CDH13: variants seen among roughly 807,000 people sequenced by gnomAD.
CDH13 encodes the protein cadherin 13, also known as cadherin-13.
In CDH13, 24 loss-of-function variants were observed where a neutral mutation model predicts 63.8. That is an observed-to-expected ratio of 0.38 (90% CI 0.27 to 0.53). The LOEUF is 0.53. CDH13 is among the 20% of genes least tolerant of loss of function. CDH13 has a pLI of 0.85. For synonymous variants in CDH13, 503 were observed against 355.3 expected (o/e 1.42, Z -4.67); for missense variants, 1,049 against 903.1 (o/e 1.16, Z -2.07).
chr16:83,140,696 C>A (rs944588769), intron 4 of CDH13, among the ~76,000 whole-genome samples: 1 of 152,150 alleles, frequency 6.6e-6, no homozygotes, highest in African/African-American at 2.4e-5. Flanking sequence ...CTCAGGTGAT[C>A]CACCCGCCTG....
chr16:83,465,174 G>A (rs1001078973), intron 6 of CDH13, among the ~76,000 whole-genome samples: 1 of 152,180 alleles, frequency 6.6e-6, no homozygotes, highest in Non-Finnish European at 1.5e-5. Context: ...GTTTCAGATG[G>A]TGATAAGTTG....
chr16:82,702,929 A>G (rs1351479760), intron 1 of CDH13, among the ~76,000 whole-genome samples: 1 of 152,124 alleles, frequency 6.6e-6, no homozygotes, highest in East Asian at 1.9e-4. Flanking sequence ...TTGGCTATGA[A>G]GTAAGCTCCC....
chr16:82,799,195 G>A (rs561633684), intron 1 of CDH13, among the ~76,000 whole-genome samples: 43 of 152,308 alleles, frequency 2.8e-4, no homozygotes, highest in African/African-American at 8.2e-4. Flanking sequence ...AGGGGGTGAC[G>A]TTAGATAGTG....
chr16:83,348,870 A>G (rs2090893850), intron 6 of CDH13, among the ~76,000 whole-genome samples: 1 of 152,230 alleles, frequency 6.6e-6, no homozygotes, highest in Admixed American at 6.5e-5. Context: ...TATTGTTAAC[A>G]GTGCAATTAT....
chr16:82,672,804 C>CACACAT (rs1555531886), intron 1 of CDH13, among the ~76,000 whole-genome samples: 17 of 132,316 alleles, frequency 1.3e-4, no homozygotes, highest in South Asian at 9.7e-4. Context: ...CACACACATA[C>CACACAT]ACACACACAC....
intron 7 of CDH13, among the ~76,000 whole-genome samples, chr16:83,556,770 G>A (rs147293639): frequency 1.5e-3 from 233 of 152,292 alleles, no homozygotes; most frequent in African/African-American, 5.2e-3. Flanking sequence ...ATCTTTTCAT[G>A]GGGCACCCCA....
intron 1 of CDH13, among the ~76,000 whole-genome samples, chr16:82,804,983 A>T (rs915919413): frequency 3.3e-5 from 5 of 152,196 alleles, no homozygotes; most frequent in Admixed American, 6.6e-5. Flanking sequence ...ATGTTCAAGG[A>T]TGATATTCTC....
At chr16:82,890,489 T>C (rs776610449) in intron 2 of CDH13, among the ~76,000 whole-genome samples, 17 of 152,182 alleles carry the variant, frequency 1.1e-4, no homozygotes, top group South Asian at 2.1e-4. Context: ...CAGAATCTCA[T>C]TGGTGTCAGC....
chr16:82,986,611 T>C (rs976004477), intron 2 of CDH13, among the ~76,000 whole-genome samples: 1 of 152,154 alleles, frequency 6.6e-6, no homozygotes, highest in Non-Finnish European at 1.5e-5. Flanking sequence ...TGAGCTAAGG[T>C]CTTCTTCCTG....
intron 6 of CDH13, among the ~76,000 whole-genome samples, chr16:83,381,553 CT>C (rs1337359894): frequency 6.6e-6 from 1 of 151,936 alleles, no homozygotes; most frequent in Non-Finnish European, 1.5e-5. Context: ...TCTTTACAGA[CT>C]TTCTCTTCCC....
chr16:82,908,965 G>A (rs557669718), intron 2 of CDH13, among the ~76,000 whole-genome samples: 6 of 152,198 alleles, frequency 3.9e-5, no homozygotes, highest in African/African-American at 1.4e-4. Context: ...AGGGTTCCAC[G>A]GGGCTGACTG....
chr16:82,898,758 G>A (rs931415938), intron 2 of CDH13, among the ~76,000 whole-genome samples: 2 of 152,202 alleles, frequency 1.3e-5, no homozygotes, highest in African/African-American at 4.8e-5. Context: ...ATGATGGAAG[G>A]GTGGAGTAGT....
chr16:83,771,028 G>A (rs1459032203), intron 11 of CDH13, among the ~76,000 whole-genome samples: 1 of 152,136 alleles, frequency 6.6e-6, no homozygotes, highest in Admixed American at 6.5e-5. Context: ...TCCTTAATCT[G>A]AGTGTCTAGT....
chr16:83,339,621 A>T (rs1597786998), intron 5 of CDH13, among the ~76,000 whole-genome samples: 1 of 152,114 alleles, frequency 6.6e-6, no homozygotes, highest in African/African-American at 2.4e-5. Flanking sequence ...GTGTGTCAGC[A>T]GGATTCAGTA....
At chr16:83,466,158 C>T (rs745360798) in intron 6 of CDH13, among the ~76,000 whole-genome samples, 44 of 152,172 alleles carry the variant, frequency 2.9e-4, no homozygotes, top group South Asian at 2.1e-4. Context: ...CTGGGAGCCA[C>T]GTGACGTTAC....
chr16:82,901,546 C>T (rs1269683031), intron 2 of CDH13, among the ~76,000 whole-genome samples: 1 of 151,920 alleles, frequency 6.6e-6, no homozygotes, highest in Non-Finnish European at 1.5e-5. Context: ...ATGAAACTAC[C>T]CTCTGCACTC....
intron 7 of CDH13, among the ~76,000 whole-genome samples, chr16:83,572,820 G>C (rs1322889720): frequency 6.6e-6 from 1 of 152,132 alleles, no homozygotes; most frequent in Non-Finnish European, 1.5e-5. Context: ...TTTCTGTTTG[G>C]TTTGTTTTAA....
chr16:83,339,874 A>G (rs140620739), intron 5 of CDH13, among the ~76,000 whole-genome samples: 2 of 152,316 alleles, frequency 1.3e-5, no homozygotes, highest in African/African-American at 4.8e-5. Context: ...ATCTGATTTT[A>G]CCCACTTCCC....
intron 1 of CDH13, among the ~76,000 whole-genome samples, chr16:82,643,085 A>G (rs1323015932): frequency 6.6e-6 from 1 of 152,250 alleles, no homozygotes; most frequent in Non-Finnish European, 1.5e-5. Context: ...TAATGGGTAT[A>G]GAATTGCTTT....
Sources: allele counts gnomAD v4.1 joint callset (sites outside exome capture counted in the v4.1 genomes callset), GRCh38; gene constraint gnomAD v4.1.1; transcripts MANE v1.5; gene names NCBI Gene and HGNC (gene_info 2026-07-23, HGNC 2026-07-21).